The following EDEM2 variants were observed in gnomAD, a reference collection of about 807,000 sequenced individuals.
EDEM2 encodes ER degradation enhancing alpha-mannosidase like protein 2, also known as ER degradation-enhancing alpha-mannosidase-like protein 2.
In EDEM2, 39 loss-of-function variants were observed where a neutral mutation model predicts 64.8. That is an observed-to-expected ratio of 0.60 (90% CI 0.47 to 0.79). EDEM2 has a LOEUF of 0.79. EDEM2 is among the 30% of genes least tolerant of loss of function. The pLI is 0.00. For missense variants in EDEM2, 609 were observed against 731.3 expected, an observed-to-expected ratio of 0.83 and a Z score of 1.93; for synonymous variants, 296 against 291.5, an observed-to-expected ratio of 1.02 and a Z score of -0.16.
chr20:35,125,113 G>A (rs1332550187), intron 8 of EDEM2, among the ~76,000 whole-genome samples: 3 of 151,978 alleles, frequency 2.0e-5, no homozygotes, highest in South Asian at 2.1e-4. Flanking sequence ...ACTTTCCCAC[G>A]AAATTGCCTC....
intron 3 of EDEM2, among the ~76,000 whole-genome samples, chr20:35,144,764 C>T (rs2085705716): frequency 6.6e-6 from 1 of 152,208 alleles, no homozygotes; most frequent in Admixed American, 6.5e-5. Flanking sequence ...AACAGGTCCT[C>T]TATAAATGTT....
chr20:35,136,372 A>AAGCCATG (rs771310270), intron 5 of EDEM2, among the ~76,000 whole-genome samples: 8 of 152,326 alleles, frequency 5.3e-5, no homozygotes, highest in South Asian at 2.1e-4. Flanking sequence ...GGAGACGCTC[A>AAGCCATG]AGCCATGAGC....
chr20:35,126,203 C>T (rs1173589467), intron 8 of EDEM2, 48 bp downstream of exon 8: 2 of 1,592,592 alleles, frequency 1.3e-6, no homozygotes, highest in Non-Finnish European at 1.7e-6. Flanking sequence ...AATGAGCTTG[C>T]TTTGCCAGAC....
At chr20:35,134,386 A>T (rs141510424) in intron 6 of EDEM2, among the ~76,000 whole-genome samples, 1 of 152,166 alleles carries the variant, frequency 6.6e-6, no homozygotes, top group Non-Finnish European at 1.5e-5. Flanking sequence ...TAAGAAACAC[A>T]GCAAATACAG....
Position 35,131,633 on chromosome 20 carries a change from C to T in EDEM2, c.844+9G>A. 6.2e-7 allele frequency: 1 copy of T among 1,611,528 alleles called. No homozygotes were observed. The highest frequency in any genetic ancestry group is 1.1e-5 in the South Asian group (1 of 90,984). On this transcript the variant is annotated intron_variant, in intron 7 of 10. Transcript: ENST00000374492. ...GAGGGGAAAAGCTCCCTTACTCTGCCATTTTTACCTAGGAACATGGCCATG... is the reference window on the plus strand; with the variant it reads ...GAGGGGAAAAGCTCCCTTACTCTGCTATTTTTACCTAGGAACATGGCCATG...
chr20:35,143,224 C>A (rs1458448860), intron 3 of EDEM2, among the ~76,000 whole-genome samples: 1 of 152,192 alleles, frequency 6.6e-6, no homozygotes, highest in Non-Finnish European at 1.5e-5. Flanking sequence ...TTTGCTGCTG[C>A]AGTTGATTGT....
chr20:35,138,602 C>T (rs1186700980), intron 4 of EDEM2, among the ~76,000 whole-genome samples: 3 of 144,678 alleles, frequency 2.1e-5, no homozygotes, highest in Non-Finnish European at 3.0e-5. Context: ...TTTTTTGAGA[C>T]GGAGTCTCGC....
At chr20:35,130,790 A>G (rs1292915373) in intron 7 of EDEM2, among the ~76,000 whole-genome samples, 1 of 152,216 alleles carries the variant, frequency 6.6e-6, no homozygotes, top group East Asian at 1.9e-4. Context: ...TAGGTGCTCA[A>G]CAATTCCTCA....
At chr20:35,141,658 G>A (rs1808870014) in intron 4 of EDEM2, among the ~76,000 whole-genome samples, 1 of 152,190 alleles carries the variant, frequency 6.6e-6, no homozygotes. Flanking sequence ...GAGGTTCGAT[G>A]CAAATAAGGG....
intron 2 of EDEM2, among the ~76,000 whole-genome samples, 156 bp downstream of exon 2, chr20:35,146,669 G>A (rs2085736494): frequency 6.6e-6 from 1 of 152,162 alleles, no homozygotes; most frequent in Non-Finnish European, 1.5e-5. Flanking sequence ...GGATCCTGGA[G>A]GTGATAGTAA....
In EDEM2 at chr20:35,115,466, T is replaced by C; in HGVS notation, c.1704A>G (p.Ala568=). The change falls in exon 11 of 11, where the codon GCA becomes GCG. Residue 568 remains alanine (A), a synonymous_variant. Coordinates refer to ENST00000374492, the MANE Select transcript of EDEM2 (RefSeq NM_018217.3). ...CPSQPFTSKL[A]LLGQVFLDSS ...AGTCTAGGAAAACCTGTCCCAGTAATGCCAACTTGGAGGTGAAGGGCTGAC... is the reference window on the plus strand; with the variant it reads ...AGTCTAGGAAAACCTGTCCCAGTAACGCCAACTTGGAGGTGAAGGGCTGAC... 1 of 1,613,044 alleles carries C rather than the reference T, an allele frequency of 6.2e-7. No homozygotes were observed. Among genetic ancestry groups the C allele is most frequent in the Non-Finnish European group, 8.5e-7 (1 of 1,179,866 alleles).
intron 9 of EDEM2, among the ~76,000 whole-genome samples, chr20:35,121,140 T>C (rs977411167): frequency 6.6e-6 from 1 of 152,250 alleles, no homozygotes; most frequent in African/African-American, 2.4e-5. Flanking sequence ...ATTACATTTA[T>C]TGTGCACTTT....
At position 35,115,900 on chromosome 20, in the gene EDEM2, G is replaced by A. The variant is rs745432375; in HGVS notation, c.1270C>T (p.Arg424Cys). The change falls in exon 11 of 11, where the codon CGC becomes TGC. Residue 424 changes from arginine (R) to cysteine (C), a missense_variant. Physicochemically the swap from Arg to Cys is radical, Grantham distance 180. Transcript: ENST00000374492. ...KDLRDHKLDN[R>C]MESFFLAETV... ...TCGGCCAGGAAGAACGACTCCATGC[G>A]GTTGTCCAGCTTGTGGTCTCGCAGA... 9.9e-6 allele frequency: 16 copies of A among 1,614,070 alleles called. No homozygotes were observed. In the East Asian group the frequency reaches 1.3e-4, roughly 13 times the overall value.
intron 8 of EDEM2, 110 bp downstream of exon 8, chr20:35,126,140 CA>C: frequency 3.5e-6 from 5 of 1,423,246 alleles, no homozygotes; most frequent in Non-Finnish European, 2.8e-6. Flanking sequence ...CCTGTCCCTC[CA>C]AAAAAAGTAC....
intron 7 of EDEM2, among the ~76,000 whole-genome samples, chr20:35,130,928 T>C (rs866847980): frequency 6.6e-6 from 1 of 152,190 alleles, no homozygotes; most frequent in Non-Finnish European, 1.5e-5. Context: ...TGCATTCAAT[T>C]TGTAGAGCTG....
Position 35,134,767 on chromosome 20 carries a change from G to A in EDEM2, c.673C>T (p.Leu225Phe). Residue 225 changes from leucine to phenylalanine, a missense_variant, in exon 6 of 11, where the codon CTC (leucine) becomes TTC (phenylalanine). By Grantham distance (22) the Leu-to-Phe change is conservative (BLOSUM62 0). Transcript: ENST00000374492. ...CCGATATCTGACCGGCTCTCCCAGA[G>A]GCGCATCAAAGCCACTCTGGCCACA... ...EDVARVALMR[L>F]WESRSDIGLV... 6.2e-7 allele frequency: 1 copy of A among 1,613,680 alleles called. No homozygotes were observed. Among genetic ancestry groups the A allele is most frequent in the Non-Finnish European group, 8.5e-7 (1 of 1,180,030 alleles).
intron 4 of EDEM2, among the ~76,000 whole-genome samples, chr20:35,141,709 A>G (rs1000572365): frequency 2.6e-5 from 4 of 151,950 alleles, no homozygotes; most frequent in African/African-American, 4.9e-5. Flanking sequence ...TCTGCTAAAA[A>G]TACTGATTCT....
Position 35,137,752 on chromosome 20 carries a change from G to A in EDEM2, c.490+128C>T. On this transcript the variant is annotated intron_variant, in intron 5 of 10. Coordinates refer to ENST00000374492, the MANE Select transcript of EDEM2 (RefSeq NM_018217.3). The stretch of plus-strand genomic sequence containing the variant: ...CTGATTTCCATGGTGGGTGCCTGGT[G>A]GGTAGAAAGACCAAATACACCTGGT... The A allele has an allele frequency of 3.0e-6, 4 of 1,349,466 alleles. No homozygotes were observed. The Admixed American group carries it at 1.0e-4, about 35-fold the overall frequency. The allele number at this position is 1,349,466 out of a possible 1,614,324, so 83.6% of individuals were successfully genotyped here.
rs540044847 is a variant in EDEM2 at position 35,142,356 on chromosome 20, T to C, written c.364+17A>G. The C allele has an allele frequency of 6.3e-7, 1 of 1,595,712 alleles. No homozygotes were observed. The highest frequency in any genetic ancestry group is 1.3e-5 in the African/African-American group (1 of 74,562). On this transcript the variant is annotated intron_variant, in intron 4 of 10. Transcript: ENST00000374492. ...ACACTCTTTTTTCTTTTAAAGGTCC[T>C]AGAGAGCAGCCCTTACCTCGAATGT... is the stretch of plus-strand genomic sequence containing the variant.
Sources: gnomAD v4.1 joint callset for allele counts (sites outside exome capture counted in the v4.1 genomes callset) on GRCh38, gnomAD v4.1.1 for gene constraint, MANE v1.5 for transcripts, NCBI Gene and HGNC (gene_info 2026-07-23, HGNC 2026-07-21) for gene names.